ADAM12: variants seen among roughly 807,000 people sequenced by gnomAD.
ADAM12 encodes the protein ADAM metallopeptidase domain 12, also known as disintegrin and metalloproteinase domain-containing protein 12.
Under a neutral mutation model 106.4 loss-of-function variants are expected in ADAM12, and 70 were observed. The ratio of observed to expected loss-of-function variants is 0.66; its 90% CI spans 0.54 to 0.80. ADAM12 has a LOEUF of 0.80. Among genes scored for constraint, ADAM12 ranks in the 30% least tolerant of loss-of-function variants. The pLI is 0.00. For missense variants in ADAM12, 1,010 were observed against 1,171.9 expected (o/e 0.86, Z 2.02); for synonymous variants, 420 against 433.5 (o/e 0.97, Z 0.39).
intron 2 of ADAM12, among the ~76,000 whole-genome samples, chr10:126,312,656 A>C (rs1306844047): frequency 6.6e-6 from 1 of 152,112 alleles, no homozygotes; most frequent in Non-Finnish European, 1.5e-5. Context: ...ATTAAACCTA[A>C]ACACTAAGCC....
chr10:126,030,143 T>A (rs946071255), intron 21 of ADAM12, among the ~76,000 whole-genome samples: 2 of 152,222 alleles, frequency 1.3e-5, no homozygotes, highest in African/African-American at 4.8e-5. Context: ...AGCAGATGTA[T>A]AAAACTAATA....
intron 8 of ADAM12, among the ~76,000 whole-genome samples, chr10:126,103,095 T>C (rs1955699032): frequency 6.6e-6 from 1 of 152,210 alleles, no homozygotes; most frequent in African/African-American, 2.4e-5. Flanking sequence ...AAAGGACTAA[T>C]TGTCATCATT....
chr10:126,177,594 G>T (rs1465333731), intron 3 of ADAM12, among the ~76,000 whole-genome samples: 2 of 152,212 alleles, frequency 1.3e-5, no homozygotes, highest in South Asian at 2.1e-4. Context: ...GATAGGAATA[G>T]ATTTTGTTTT....
intron 5 of ADAM12, among the ~76,000 whole-genome samples, chr10:126,120,917 C>T (rs12248667): frequency 0.085 from 4,933 of 58,202 alleles, 208 homozygotes; most frequent in East Asian, 0.25. Flanking sequence ...AATATATATG[C>T]AATATAATTA....
intron 2 of ADAM12, among the ~76,000 whole-genome samples, chr10:126,300,994 G>A (rs1960597694): frequency 6.6e-6 from 1 of 152,310 alleles, no homozygotes; most frequent in Admixed American, 6.5e-5. Flanking sequence ...GAAATCAGTG[G>A]TTTCAACTTG....
rs80093528 is a variant in ADAM12, at chr10:126,373,288, G to C, written c.88+14770C>G. Among the ~76,000 whole-genome samples, 1,051 of 152,274 alleles carry C rather than the reference G, an allele frequency of 6.9e-3. 2 individuals carry two copies. Among genetic ancestry groups the C allele is most frequent in the Middle Eastern group, 0.014 (4 of 294 alleles). ...GAGCGGCTTCTGGGAGTGGATGTTG[G>C]CCTTGCTTCCCAGCTGTTCTCATTT... On this transcript the variant is annotated intron_variant, in intron 1 of 22. Transcript: ENST00000448723.
At chr10:126,144,291 G>A (rs1956583702) in intron 4 of ADAM12, among the ~76,000 whole-genome samples, 1 of 152,136 alleles carries the variant, frequency 6.6e-6, no homozygotes, top group Non-Finnish European at 1.5e-5. Context: ...CTGTATAATG[G>A]GACGGGCACT....
At chr10:126,258,397 C>T (rs1432142115) in intron 3 of ADAM12, among the ~76,000 whole-genome samples, 2 of 82,956 alleles carry the variant, frequency 2.4e-5, no homozygotes, top group African/African-American at 6.8e-5. Flanking sequence ...GTGCCCCACA[C>T]GCCCCACCCG....
At chr10:126,385,739 A>G (rs1269040086) in intron 1 of ADAM12, among the ~76,000 whole-genome samples, 1 of 151,990 alleles carries the variant, frequency 6.6e-6, no homozygotes, top group African/African-American at 2.4e-5. Flanking sequence ...GGGTGAGCAA[A>G]GGGAGAATGG....
intron 3 of ADAM12, among the ~76,000 whole-genome samples, chr10:126,199,972 C>T (rs370970910): frequency 3.9e-5 from 6 of 152,238 alleles, no homozygotes; most frequent in African/African-American, 1.4e-4. Context: ...ATGGGGTCTT[C>T]CACACGCACC....
At chr10:126,022,031 T>G (rs11244771) in intron 21 of ADAM12, among the ~76,000 whole-genome samples, 1 of 152,336 alleles carries the variant, frequency 6.6e-6, no homozygotes, top group East Asian at 1.9e-4. Flanking sequence ...GTTTTGCTGC[T>G]AAGTATGACT....
intron 10 of ADAM12, among the ~76,000 whole-genome samples, chr10:126,095,030 ATATACAACAT>A (rs1167751281): frequency 7.2e-5 from 11 of 152,320 alleles, no homozygotes; most frequent in Admixed American, 3.9e-4. Flanking sequence ...AACAGTGCCT[ATATACAACAT>A]TTCTGAAAAG....
chr10:126,339,607 G>A (rs994202099), intron 1 of ADAM12, among the ~76,000 whole-genome samples: 1 of 152,124 alleles, frequency 6.6e-6, no homozygotes, highest in Non-Finnish European at 1.5e-5. Flanking sequence ...TTTAACAAGA[G>A]CAAACATCTA....
chr10:126,377,354 C>T (rs996349928), intron 1 of ADAM12, among the ~76,000 whole-genome samples: 2 of 152,102 alleles, frequency 1.3e-5, no homozygotes, highest in Non-Finnish European at 2.9e-5. Flanking sequence ...CAAGGAAGCC[C>T]GTCTGAGTCC....
chr10:126,043,798 T>C lies in ADAM12; in HGVS notation c.1996-650A>G, dbSNP rs1052885568. Among the ~76,000 whole-genome samples, 1 of 152,228 alleles carries C rather than the reference T, an allele frequency of 6.6e-6. No individual in the cohort carries two copies. Among genetic ancestry groups the C allele is most frequent in the Non-Finnish European group, 1.5e-5 (1 of 68,042 alleles). ...TTCTTGCAGAGGTTCCCAGTGGCTG[T>C]TCCCTGGCTCCCAGTCACGCACCAG... is the stretch of plus-strand genomic sequence containing the variant. On this transcript the variant is annotated intron_variant, in intron 17 of 22. Transcript: ENST00000448723. This position sits in a 1 kb window ranked among gnomAD's most constrained non-coding sequence, Gnocchi z 4.1.
intron 3 of ADAM12, among the ~76,000 whole-genome samples, chr10:126,217,683 AATATTT>A (rs1958012285): frequency 1.4e-5 from 2 of 147,662 alleles, no homozygotes; most frequent in Non-Finnish European, 3.0e-5. Flanking sequence ...TGTAAATTAC[AATATTT>A]TGGCCAGGCA....
At chr10:126,383,895 C>A (rs901983122) in intron 1 of ADAM12, among the ~76,000 whole-genome samples, 1 of 152,144 alleles carries the variant, frequency 6.6e-6, no homozygotes, top group African/African-American at 2.4e-5. Flanking sequence ...AAAATATTTA[C>A]TTTTCTAGTA....
intron 3 of ADAM12, among the ~76,000 whole-genome samples, chr10:126,233,428 C>A (rs1416319500): frequency 1.3e-5 from 2 of 152,030 alleles, no homozygotes; most frequent in Non-Finnish European, 2.9e-5. Flanking sequence ...GTGCAAGTAG[C>A]AGTGATGGGG....
intron 1 of ADAM12, among the ~76,000 whole-genome samples, chr10:126,353,305 T>A (rs12415848): frequency 0.075 from 11,438 of 152,186 alleles, 727 homozygotes; most frequent in East Asian, 0.25. Flanking sequence ...CATGCCTAGA[T>A]CTGAAAGATG....
Sources: gnomAD v4.1 joint callset for allele counts (sites outside exome capture counted in the v4.1 genomes callset) on GRCh38, gnomAD v4.1.1 for gene constraint, Gnocchi (gnomAD v3.1) non-coding constraint, MANE v1.5 for transcripts, NCBI Gene and HGNC (gene_info 2026-07-23, HGNC 2026-07-21) for gene names.